The following STK38 variants were observed in gnomAD, a reference collection of about 807,000 sequenced individuals.
STK38 encodes serine/threonine kinase 38.
Under a neutral mutation model 59.0 loss-of-function variants are expected in STK38, and 26 were observed. The observed-to-expected ratio is 0.44, with a 90% CI of 0.32 to 0.61. The LOEUF (loss-of-function observed/expected upper bound fraction) is 0.61, where lower values mean the gene tolerates loss of function less well. Among genes scored for constraint, STK38 ranks in the 20% least tolerant of loss-of-function variants. The pLI is 0.04. For missense variants in STK38, 433 were observed against 566.0 expected (o/e 0.76, Z 2.38); for synonymous variants, 175 against 176.6 (o/e 0.99, Z 0.07).
chr6:36,520,716 C>T (rs1323907194), intron 5 of STK38, among the ~76,000 whole-genome samples: 1 of 152,120 alleles, frequency 6.6e-6, no homozygotes, highest in Non-Finnish European at 1.5e-5. Context: ...TCAAGACTTA[C>T]CGCCCAGGTA....
rs377358172 is a variant in STK38 at position 36,499,919 on chromosome 6, G to A, written c.906C>T (p.Leu302=). 1.2e-5 allele frequency: 19 copies of A among 1,614,012 alleles called. No homozygotes were observed. Among genetic ancestry groups the A allele is most frequent in the East Asian group, 1.1e-4 (5 of 44,886 alleles). ...TCACCCCAAGCGACCACCAATCACA[G>A]AGCTTGTTGTACCCGGTCTGCATGA... The part of the protein sequence containing the change: ...EVFMQTGYNK[L]CDWWSLGVIM... Residue 302 remains leucine, a synonymous_variant, in exon 10 of 14, where the codon CTC becomes CTT. Transcript: ENST00000229812.
At chr6:36,532,510 TCACAC>T (rs1777689981) in intron 2 of STK38, among the ~76,000 whole-genome samples, 1 of 152,070 alleles carries the variant, frequency 6.6e-6, no homozygotes, top group Admixed American at 6.6e-5. Flanking sequence ...ATGTGATGGC[TCACAC>T]CTGTAATCCC....
At chr6:36,500,901 C>T (rs867459635) in intron 9 of STK38, among the ~76,000 whole-genome samples, 8 of 151,684 alleles carry the variant, frequency 5.3e-5, no homozygotes, top group African/African-American at 1.7e-4. Flanking sequence ...ATAACTTAAA[C>T]ATTTATAAAT....
intron 2 of STK38, among the ~76,000 whole-genome samples, chr6:36,527,366 TACACAC>T (rs60339207): frequency 8.1e-4 from 118 of 145,676 alleles, no homozygotes; most frequent in African/African-American, 2.6e-3. Flanking sequence ...TATATATTAG[TACACAC>T]ACACACACAC....
At chr6:36,528,397 G>A (rs1194320690) in intron 2 of STK38, among the ~76,000 whole-genome samples, 1 of 152,124 alleles carries the variant, frequency 6.6e-6, no homozygotes, top group East Asian at 1.9e-4. Context: ...CTGGAACTAG[G>A]GCAGGAAAAC....
intron 3 of STK38, 127 bp from the exon 4 acceptor site, chr6:36,524,590 A>G (rs1777466016): frequency 2.1e-6 from 2 of 945,784 alleles, no homozygotes; most frequent in Non-Finnish European, 3.1e-6. Flanking sequence ...ATCTTTTCAC[A>G]TATGAAATCA....
In STK38 at chr6:36,540,157, T is replaced by C. The variant is rs765917395; in HGVS notation, c.46A>G (p.Thr16Ala). Residue 16 changes from threonine to alanine, a missense_variant, in exon 2 of 14, where the codon ACA becomes GCA. Thr to Ala is a moderately conservative substitution (Grantham distance 58). Around this residue, in one of 3 missense-constraint regions of STK38, gnomAD observed 293 missense variants for 388.2 expected, o/e 0.75. Transcript: ENST00000229812. ...STPCSSMSNH[T>A]KERVTMTKVT... ...TTGGTCATTGTCACCCTTTCCTTTGTGTGGTTACTCATGGATGAGCAAGGT... is the reference window on the plus strand; with the variant it reads ...TTGGTCATTGTCACCCTTTCCTTTGCGTGGTTACTCATGGATGAGCAAGGT... The C allele has an allele frequency of 7.4e-6, 12 of 1,614,080 alleles. No homozygotes were observed. In the South Asian group the frequency reaches 9.9e-5, roughly 13 times the overall value.
chr6:36,522,939 CTCTTT>C (rs1218350889), intron 4 of STK38, among the ~76,000 whole-genome samples: 2 of 150,494 alleles, frequency 1.3e-5, no homozygotes, highest in Admixed American at 6.6e-5. Context: ...AGTTTTCCTT[CTCTTT>C]TATGTTTTCC....
intron 2 of STK38, among the ~76,000 whole-genome samples, chr6:36,526,524 T>C (rs1404875491): frequency 6.7e-6 from 1 of 148,296 alleles, no homozygotes; most frequent in Non-Finnish European, 1.5e-5. Flanking sequence ...CTTTGGGAGG[T>C]GAGGCAGATG....
chr6:36,516,690 T>C (rs1469859762), intron 6 of STK38, among the ~76,000 whole-genome samples: 5 of 152,230 alleles, frequency 3.3e-5, no homozygotes, highest in Admixed American at 6.5e-5. Flanking sequence ...AAGGTAGCTA[T>C]ACGGCCTTAG....
chr6:36,537,482 GA>G, intron 2 of STK38, among the ~76,000 whole-genome samples: 2 of 152,186 alleles, frequency 1.3e-5, no homozygotes, highest in South Asian at 4.1e-4. Flanking sequence ...GCCAAAAACT[GA>G]AAAGAACCCA....
chr6:36,504,881 G>C (rs1776921803), intron 9 of STK38, among the ~76,000 whole-genome samples: 1 of 106,726 alleles, frequency 9.4e-6, no homozygotes, highest in African/African-American at 3.9e-5. Flanking sequence ...AGTAGCCAAA[G>C]GTTAAATCCT....
At chr6:36,540,270 C>G in intron 1 of STK38, 63 bp from the exon 2 acceptor site, 2 of 1,539,018 alleles carry the variant, frequency 1.3e-6, no homozygotes, top group Non-Finnish European at 1.8e-6. Context: ...TGTGCACTCT[C>G]CTACCCTATT....
At chr6:36,517,131 G>A (rs142091099) in intron 6 of STK38, among the ~76,000 whole-genome samples, 35 of 151,850 alleles carry the variant, frequency 2.3e-4, no homozygotes, top group African/African-American at 8.2e-4. Flanking sequence ...TCCCACCAGA[G>A]TTTGCTCAGA....
chr6:36,545,753 T>C (rs1778041076), intron 1 of STK38, among the ~76,000 whole-genome samples: 1 of 152,182 alleles, frequency 6.6e-6, no homozygotes, highest in South Asian at 2.1e-4. Flanking sequence ...CTTTGCCCCA[T>C]TTGTTTCATT....
intron 5 of STK38, among the ~76,000 whole-genome samples, chr6:36,518,116 A>C (rs1777298793): frequency 6.6e-6 from 1 of 152,234 alleles, no homozygotes; most frequent in Admixed American, 6.5e-5. Context: ...ACACTGCTAT[A>C]AACTGAATCT....
chr6:36,498,101 A>G (rs1238433303), intron 11 of STK38, among the ~76,000 whole-genome samples: 1 of 151,688 alleles, frequency 6.6e-6, no homozygotes, highest in African/African-American at 2.4e-5. Flanking sequence ...ACACCCAGCC[A>G]ATTTTTTCTT....
chr6:36,508,895 G>A (rs949623520), intron 7 of STK38, among the ~76,000 whole-genome samples: 1 of 152,236 alleles, frequency 6.6e-6, no homozygotes, highest in East Asian at 1.9e-4. Flanking sequence ...CACTGCAAGC[G>A]GCTTCTGCTG....
intron 1 of STK38, among the ~76,000 whole-genome samples, chr6:36,545,027 T>C (rs1778025896): frequency 6.6e-6 from 1 of 152,084 alleles, no homozygotes; most frequent in Non-Finnish European, 1.5e-5. Context: ...CGGTGGCTCA[T>C]GCCTGTAATC....
Sources: allele counts gnomAD v4.1 joint callset (sites outside exome capture counted in the v4.1 genomes callset), GRCh38; gene constraint gnomAD v4.1.1; regional missense constraint gnomAD v4.1.1; transcripts MANE v1.5; gene names NCBI Gene and HGNC (gene_info 2026-07-23, HGNC 2026-07-21).